RNF32: variants seen among roughly 807,000 people sequenced by gnomAD.
RNF32 encodes ring finger protein 32.
Under a neutral mutation model 41.0 loss-of-function variants are expected in RNF32, and 36 were observed. That is an observed-to-expected ratio of 0.88 (90% CI 0.67 to 1.16). The LOEUF (loss-of-function observed/expected upper bound fraction) is 1.16. Among genes scored for constraint, RNF32 ranks in the 50% most tolerant of loss-of-function variants. RNF32 has a pLI of 0.00. For missense variants in RNF32, 413 were observed against 436.7 expected (o/e 0.95, Z 0.48); for synonymous variants, 154 against 160.9 (o/e 0.96, Z 0.32).
chr7:156,664,190 G>A lies in RNF32; in HGVS notation c.684+5620G>A, dbSNP rs536016342. 6.6e-5 allele frequency among the ~76,000 whole-genome samples: 10 copies of A among 152,358 alleles called. No individual in the cohort carries two copies. In the South Asian group the frequency reaches 1.9e-3, roughly 28 times the overall value. On this transcript the variant is annotated intron_variant, in intron 7 of 8. Transcript: ENST00000317955. ...GAAAAACATTGCAAGGGCCGGGCGC[G>A]GTGGCTCACGCCTGTAATCCCAGCA...
rs1295982299 is a variant in RNF32, at chr7:156,669,458, C to CCGTT, written c.685-6236_685-6233dup. Among the ~76,000 whole-genome samples the CCGTT allele has an allele frequency of 6.6e-6, 1 of 152,144 alleles. No homozygotes were observed. Among genetic ancestry groups the CCGTT allele is most frequent in the Non-Finnish European group, 1.5e-5 (1 of 68,018 alleles). ...CCTGAACCCAAATGGAGGAACCGTG[C>CCGTT]CGTTCCCTGGAACCTCTGTCCAGGC... On this transcript the variant is annotated intron_variant, in intron 7 of 8. Coordinates refer to ENST00000317955, the MANE Select transcript of RNF32 (RefSeq NM_030936.4). The surrounding 1 kb of genome is among the most constrained non-coding windows in gnomAD (Gnocchi z 4.2).
At chr7:156,672,713 A>C (rs2131683544) in intron 7 of RNF32, among the ~76,000 whole-genome samples, 1 of 152,364 alleles carries the variant, frequency 6.6e-6, no homozygotes, top group East Asian at 1.9e-4. Context: ...ACATAAATGC[A>C]TATAGATGTA....
chr7:156,655,005 G>A (rs561579687), intron 4 of RNF32: 2 of 230,470 alleles, frequency 8.7e-6, no homozygotes, highest in Non-Finnish European at 1.7e-5. Context: ...CAACTGGGGG[G>A]CTTCCCAGGA....
chr7:156,667,499 G>C (rs896050318), intron 7 of RNF32, among the ~76,000 whole-genome samples: 1 of 152,176 alleles, frequency 6.6e-6, no homozygotes, highest in Non-Finnish European at 1.5e-5. Flanking sequence ...AATTGAAAAT[G>C]TTTAGGTATT....
chr7:156,645,358 TACA>T (rs900248965), intron 3 of RNF32, among the ~76,000 whole-genome samples: 1 of 152,200 alleles, frequency 6.6e-6, no homozygotes, highest in African/African-American at 2.4e-5. Context: ...TGCTGAAAGG[TACA>T]ACATCACTTC....
At chr7:156,658,684 T>C in intron 7 of RNF32, 114 bp downstream of exon 7, 2 of 807,038 alleles carry the variant, frequency 2.5e-6, no homozygotes, top group Non-Finnish European at 4.0e-6. Flanking sequence ...CTTTGAGGGC[T>C]TTTTAAAAAT....
intron 4 of RNF32, among the ~76,000 whole-genome samples, chr7:156,655,397 A>AGTGT (rs1197586909): frequency 1.3e-5 from 2 of 152,140 alleles, no homozygotes; most frequent in Admixed American, 1.3e-4. Flanking sequence ...ATTTATCAGA[A>AGTGT]GTGTGTGTGT....
In RNF32 at chr7:156,669,674, G is replaced by A. The variant is rs1802040601; in HGVS notation, c.685-6022G>A. ...ACTGCCCTCAGAGCCCCGGGGATGC[G>A]AGGTCAGCAGCTGGGACCCAGACCA... On this transcript the variant is annotated intron_variant, in intron 7 of 8. Coordinates refer to ENST00000317955, the MANE Select transcript of RNF32 (RefSeq NM_030936.4). The surrounding 1 kb of genome is among the most constrained non-coding windows in gnomAD (Gnocchi z 4.2). Among the ~76,000 whole-genome samples, 1 of 152,184 alleles carries A rather than the reference G, an allele frequency of 6.6e-6. No homozygotes were observed. Among genetic ancestry groups the A allele is most frequent in the Non-Finnish European group, 1.5e-5 (1 of 68,026 alleles).
At chr7:156,662,167 T>C (rs1010511996) in intron 7 of RNF32, among the ~76,000 whole-genome samples, 1 of 152,238 alleles carries the variant, frequency 6.6e-6, no homozygotes, top group Non-Finnish European at 1.5e-5. Context: ...TATGCCTGTA[T>C]GGGTAGAACT....
intron 7 of RNF32, among the ~76,000 whole-genome samples, chr7:156,666,662 G>C (rs531230249): frequency 1.3e-5 from 2 of 152,280 alleles, no homozygotes; most frequent in South Asian, 4.1e-4. Flanking sequence ...AGTAGTCCTC[G>C]AACACTTATT....
intron 3 of RNF32, among the ~76,000 whole-genome samples, chr7:156,645,665 A>T (rs1797889673): frequency 6.6e-6 from 1 of 152,236 alleles, no homozygotes; most frequent in African/African-American, 2.4e-5. Context: ...TAGCAACATT[A>T]ATTTTGTGGT....
rs759837778 is a variant in RNF32 at position 156,657,438 on chromosome 7, G to T, written c.418-103G>T. 7.0e-5 allele frequency: 82 copies of T among 1,166,964 alleles called. 2 individuals carry two copies. In the South Asian group the frequency reaches 7.8e-4, roughly 11 times the overall value. 72.3% of individuals were successfully genotyped at this position (1,166,964 alleles called of 1,614,324 possible). ...AAAGTTATTAATTTGCTTTTTTAAA[G>T]AAATAATACAGCTTACCTTCTAAGC... On this transcript the variant is annotated intron_variant, in intron 4 of 8. Transcript: ENST00000317955.
chr7:156,643,559 A>G (rs1414796845), intron 1 of RNF32, among the ~76,000 whole-genome samples: 1 of 152,216 alleles, frequency 6.6e-6, no homozygotes, highest in Non-Finnish European at 1.5e-5. Flanking sequence ...GTAATTAACC[A>G]TTTGTATTAA....
chr7:156,668,207 G>C (rs746835700), intron 7 of RNF32, among the ~76,000 whole-genome samples: 4 of 152,174 alleles, frequency 2.6e-5, no homozygotes, highest in African/African-American at 4.8e-5. Context: ...GACGTGTGTG[G>C]AATGAAAGGA....
At chr7:156,656,776 C>G (rs553564365) in intron 4 of RNF32, among the ~76,000 whole-genome samples, 74 of 152,336 alleles carry the variant, frequency 4.9e-4, no homozygotes, top group African/African-American at 1.8e-3. Flanking sequence ...CACCGCTTTG[C>G]TCAGTCTCAC....
At chr7:156,659,907 G>A (rs968121225) in intron 7 of RNF32, 13 of 985,298 alleles carry the variant, frequency 1.3e-5, no homozygotes, top group Middle Eastern at 5.2e-4. Context: ...AAGAGCAGTC[G>A]GGGCAGGGAG....
intron 7 of RNF32, among the ~76,000 whole-genome samples, chr7:156,668,595 C>T (rs946030598): frequency 2.0e-5 from 3 of 152,232 alleles, no homozygotes; most frequent in Admixed American, 6.5e-5. Context: ...CTGCCCAGAG[C>T]GCCTTGTAGG....
At chr7:156,671,647 G>A (rs1031209812) in intron 7 of RNF32, among the ~76,000 whole-genome samples, 2 of 150,854 alleles carry the variant, frequency 1.3e-5, no homozygotes, top group South Asian at 2.1e-4. Flanking sequence ...ACTGCAGGAC[G>A]CCGATGTTTG....
intron 1 of RNF32, chr7:156,643,100 T>G (rs1190704192): frequency 6.6e-6 from 1 of 152,236 alleles, no homozygotes; most frequent in African/African-American, 2.4e-5. Flanking sequence ...AAGTTCTGTG[T>G]GAAAAGACCT....
Sources: gnomAD v4.1 joint callset for allele counts (sites outside exome capture counted in the v4.1 genomes callset) on GRCh38, gnomAD v4.1.1 for gene constraint, Gnocchi (gnomAD v3.1) non-coding constraint, MANE v1.5 for transcripts, NCBI Gene and HGNC (gene_info 2026-07-23, HGNC 2026-07-21) for gene names.